Variants in UFL1 observed in about 807,000 individuals in gnomAD.
UFL1 encodes E3 UFM1-protein ligase 1.
A neutral mutation model predicts 99.3 loss-of-function variants in UFL1; 78 were observed. That is an observed-to-expected ratio of 0.79 (90% CI 0.65 to 0.95). The LOEUF (loss-of-function observed/expected upper bound fraction) is 0.95, where lower values mean the gene tolerates loss of function less well. Ranked by LOEUF, UFL1 falls within the 40% of genes least tolerant of loss-of-function variation. The pLI, the probability that UFL1 is intolerant of heterozygous loss-of-function variation, is 0.00. For missense variants in UFL1, 936 were observed against 937.0 expected (o/e 1.00, Z 0.01); for synonymous variants, 335 against 322.2 (o/e 1.04, Z -0.42).
chr6:96,549,775 C>T lies in UFL1; in HGVS notation c.1794C>T (p.Asp598=), dbSNP rs149844923. Residue 598 remains aspartate (D), a synonymous_variant, in exon 15 of 19, where the codon GAC becomes GAT. Transcript: ENST00000369278. ...FLASDLMMAV[D]DPAAITSEIR... ...CTTCGGATTTAATGATGGCAGTAGA[C>T]GATCCTGCAGCCATTACAAGTGAAG... 3,104 of 1,611,774 alleles carry T rather than the reference C, an allele frequency of 1.9e-3. 28 individuals carry two copies. In the African/African-American group the frequency reaches 0.023, roughly 12 times the overall value.
rs1247941472 is a variant in UFL1, at chr6:96,522,900, A to G, written c.78-246A>G. 5 of 293,764 alleles carry G rather than the reference A, an allele frequency of 1.7e-5. No homozygotes were observed. The East Asian group carries it at 2.9e-4, about 17-fold the overall frequency. 18.2% of individuals were successfully genotyped at this position (293,764 alleles called of 1,614,324 possible). A position where few individuals can be genotyped will look rare whatever the true frequency, so the allele number is the denominator to read the frequency against. ...GAAGCAGGCCTGTAAGAGACAACAG[A>G]CTTGAAATTTGTGATGGGATGATGT... On this transcript the variant is annotated intron_variant, in intron 1 of 18. Transcript: ENST00000369278.
At chr6:96,550,939 T>C (rs919685176) in intron 15 of UFL1, among the ~76,000 whole-genome samples, 1 of 151,960 alleles carries the variant, frequency 6.6e-6, no homozygotes, top group Non-Finnish European at 1.5e-5. Flanking sequence ...ACTAAAAGAC[T>C]CTGATCAAGA....
At chr6:96,551,998 T>C in intron 17 of UFL1, 75 bp downstream of exon 17, 1 of 1,025,568 alleles carries the variant, frequency 9.8e-7, no homozygotes, top group Admixed American at 2.0e-5. Context: ...TGAATTTGAC[T>C]GCCCGGCTCT....
At chr6:96,552,726 T>G in intron 18 of UFL1, 64 bp downstream of exon 18, 1 of 1,427,516 alleles carries the variant, frequency 7.0e-7, no homozygotes, top group South Asian at 1.4e-5. Context: ...TTGAGTGGAT[T>G]GAGATGAATT....
chr6:96,536,658 A>G (rs1464549825), intron 8 of UFL1, among the ~76,000 whole-genome samples: 1 of 151,816 alleles, frequency 6.6e-6, no homozygotes, highest in Non-Finnish European at 1.5e-5. Flanking sequence ...TAGTTACTGA[A>G]CAATTATAAT....
Position 96,550,276 on chromosome 6 carries a change from C to T in UFL1, c.1818+477C>T, listed in dbSNP as rs182415042. The stretch of plus-strand genomic sequence containing the variant: ...CAGTTGCCTAGAGGAAGAAAGGTGC[C>T]ATCTATCCCAAGATGACAACCCCTC... On this transcript the variant is annotated intron_variant, in intron 15 of 18. Transcript: ENST00000369278. 3.1e-4 allele frequency among the ~76,000 whole-genome samples: 47 copies of T among 151,896 alleles called. No homozygotes were observed. In the East Asian group the frequency reaches 8.4e-3, roughly 27 times the overall value.
chr6:96,523,144 AG>A lies in UFL1; in HGVS notation c.78del, dbSNP rs1769645852. 6.3e-7 allele frequency: 1 copy of A among 1,598,152 alleles called. No homozygotes were observed. The highest frequency in any genetic ancestry group is 1.3e-5 in the African/African-American group (1 of 74,152). On this transcript the variant is annotated splice_acceptor_variant, in intron 1 of 18. Transcript: ENST00000369278. LOFTEE classifies it high-confidence loss of function. ...TGAAACAACTTTTTTTCTTTCCCTC[AG>A]GTTGTCCGAGCGGAACTGCATTGAG...
chr6:96,540,661 A>G lies in UFL1; in HGVS notation c.1279+6A>G. The G allele has an allele frequency of 1.3e-6, 2 of 1,592,898 alleles. No homozygotes were observed. The highest frequency in any genetic ancestry group is 1.7e-6 in the Non-Finnish European group (2 of 1,172,380). On this transcript the variant is annotated splice_donor_region_variant and intron_variant, in intron 11 of 18. Coordinates refer to ENST00000369278, the MANE Select transcript of UFL1 (RefSeq NM_015323.5). ...GCGAAGAAGGAAAGCAACAGGTAATAAATTGTTAACAAGGAATATTCAAAG... is the reference window on the plus strand; with the variant it reads ...GCGAAGAAGGAAAGCAACAGGTAATGAATTGTTAACAAGGAATATTCAAAG...
intron 7 of UFL1, among the ~76,000 whole-genome samples, 181 bp from the exon 8 acceptor site, chr6:96,536,063 A>G (rs2127950830): frequency 6.6e-6 from 1 of 152,166 alleles, no homozygotes; most frequent in East Asian, 1.9e-4. Context: ...TATGTTTTGA[A>G]TATTCTCATA....
chr6:96,525,989 G>A (rs1183039313), intron 4 of UFL1, among the ~76,000 whole-genome samples: 3 of 151,938 alleles, frequency 2.0e-5, no homozygotes, highest in Non-Finnish European at 4.4e-5. Context: ...AGGAGGCTGA[G>A]GTAGGAGGAT....
Position 96,536,282 on chromosome 6 carries a change from G to A in UFL1, c.694G>A (p.Gly232Ser). 1 of 1,610,534 alleles carries A rather than the reference G, an allele frequency of 6.2e-7. No homozygotes were observed. ...ACTTGTTAATAGCGGACGCTTACGA[G>A]GCACTGTGGTTGGTGGGAGACAGGA... ...EELVNSGRLRGTVVGGRQDKA... is the reference protein window; with the variant it reads ...EELVNSGRLRSTVVGGRQDKA... Residue 232 changes from glycine to serine, a missense_variant, in exon 8 of 19, where the codon GGC becomes AGC. Coordinates refer to ENST00000369278, the MANE Select transcript of UFL1 (RefSeq NM_015323.5).
In UFL1 at chr6:96,525,455, G is replaced by A. The variant is rs1769685200; in HGVS notation, c.350+61G>A. On this transcript the variant is annotated intron_variant, in intron 4 of 18. Transcript: ENST00000369278. ...GTTTATTTTCTTTCTTTTTTTTATA[G>A]TGTTTAAATTTAGGCCAATTATGGC... 21 of 1,366,174 alleles carry A rather than the reference G, an allele frequency of 1.5e-5. No homozygotes were observed. In the South Asian group the frequency reaches 2.5e-4, roughly 16 times the overall value. 84.6% of individuals were successfully genotyped at this position (1,366,174 alleles called of 1,614,324 possible). A position where few individuals can be genotyped will look rare whatever the true frequency, so the allele number is the denominator to read the frequency against.
intron 16 of UFL1, 85 bp from the exon 17 acceptor site, chr6:96,551,753 A>T (rs1257400072): frequency 4.1e-6 from 4 of 975,414 alleles, no homozygotes; most frequent in Non-Finnish European, 4.6e-6. Context: ...TTTGGGATGT[A>T]AAATTACAAA....
In UFL1 at chr6:96,542,989, G is replaced by C. The variant is rs969792177; in HGVS notation, c.1375G>C (p.Asp459His). Residue 459 changes from aspartate to histidine, a missense_variant, in exon 12 of 19, where the codon GAT becomes CAT. Physicochemically the swap from Asp to His is moderately conservative, Grantham distance 81. Coordinates refer to ENST00000369278, the MANE Select transcript of UFL1 (RefSeq NM_015323.5). ...GAAAGGAAGAAAAGATGATGATAGTGATGATGAATCTCAATCATCCCACAC... is the reference window on the plus strand; with the variant it reads ...GAAAGGAAGAAAAGATGATGATAGTCATGATGAATCTCAATCATCCCACAC... Reference protein sequence around the residue: ...KKKGRKDDDSDDESQSSHTGK... With the variant: ...KKKGRKDDDSHDESQSSHTGK... 6.3e-7 allele frequency: 1 copy of C among 1,597,642 alleles called. No individual in the cohort carries two copies. Among genetic ancestry groups the C allele is most frequent in the Non-Finnish European group, 8.5e-7 (1 of 1,171,476 alleles).
intron 1 of UFL1, 138 bp from the exon 2 acceptor site, chr6:96,523,008 G>T (rs1769642085): frequency 1.3e-6 from 1 of 755,794 alleles, no homozygotes; most frequent in Admixed American, 3.6e-5. Flanking sequence ...ATCAGTTAGT[G>T]AAAAATACAG....
At chr6:96,531,695 A>G (rs929167339) in intron 6 of UFL1, among the ~76,000 whole-genome samples, 1 of 152,272 alleles carries the variant, frequency 6.6e-6, no homozygotes, top group African/African-American at 2.4e-5. Context: ...ACTAAAAACT[A>G]AAAATATCTT....
rs200896530 is a variant in UFL1, at chr6:96,525,060, ATTTC to A, written c.253-225_253-222del. On this transcript the variant is annotated intron_variant, in intron 3 of 18. Coordinates refer to ENST00000369278, the MANE Select transcript of UFL1 (RefSeq NM_015323.5). Reference sequence around the variant, plus strand: ...TTGATTCAAAATTTAAGAATAAGCAATTTCTTTCTTTCTTTTTTTTTTTTTGAGA... The same window carrying A: ...TTGATTCAAAATTTAAGAATAAGCAATTTCTTTCTTTTTTTTTTTTTGAGA... Among the ~76,000 whole-genome samples the A allele has an allele frequency of 7.1e-3, 1,075 of 151,026 alleles. 10 individuals are homozygous for A. The highest frequency in any genetic ancestry group is 0.022 in the African/African-American group (905 of 41,232).
At position 96,534,258 on chromosome 6, in the gene UFL1, T is replaced by C. The variant is rs2127950463; in HGVS notation, c.597-5T>C. 6.6e-7 allele frequency: 1 copy of C among 1,520,604 alleles called. No individual in the cohort carries two copies. The highest frequency in any genetic ancestry group is 8.8e-7 in the Non-Finnish European group (1 of 1,140,080). The allele number at this position is 1,520,604 out of a possible 1,614,324, so 94.2% of individuals were successfully genotyped here. ...AAGTTTTTTTTTTTTTAACTTTCCA[T>C]AAAGGCCTACAGCTGTGAATTCTTT... On this transcript the variant is annotated splice_region_variant and splice_polypyrimidine_tract_variant and intron_variant, in intron 6 of 18. Transcript: ENST00000369278.
chr6:96,530,904 A>G (rs1769773729), intron 6 of UFL1, among the ~76,000 whole-genome samples: 2 of 152,178 alleles, frequency 1.3e-5, no homozygotes, highest in South Asian at 4.1e-4. Context: ...AAGGGCCCTC[A>G]ATCCCCAGGC....
Sources: gnomAD v4.1 joint callset for allele counts (sites outside exome capture counted in the v4.1 genomes callset) on GRCh38, gnomAD v4.1.1 for gene constraint, MANE v1.5 for transcripts, NCBI Gene and HGNC (gene_info 2026-07-23, HGNC 2026-07-21) for gene names.